Variants in CHST7 observed in about 807,000 individuals in gnomAD.
CHST7 encodes carbohydrate sulfotransferase 7.
In CHST7, 5 loss-of-function variants were observed where a neutral mutation model predicts 9.0. The ratio of observed to expected loss-of-function variants is 0.56; its 90% CI spans 0.29 to 1.17. The LOEUF is 1.17. Among genes scored for constraint, CHST7 ranks in the 50% most tolerant of loss-of-function variants. The probability of loss-of-function intolerance (pLI) is 0.08; values close to 1 mark genes in which losing one functional copy is unlikely to be tolerated. For missense variants in CHST7, 377 were observed against 485.1 expected, an observed-to-expected ratio of 0.78 and a Z score of 2.09; for synonymous variants, 244 against 237.1, an observed-to-expected ratio of 1.03 and a Z score of -0.27.
intron 1 of CHST7, among the ~76,000 whole-genome samples, chrX:46,591,457 C>T (rs938207495): frequency 7.2e-5 from 8 of 111,182 alleles, no homozygotes; most frequent in African/African-American, 1.3e-4. Flanking sequence ...TCGCTGCAAC[C>T]GCTGCCTCCT....
At chrX:46,589,439 A>G (rs1002977366) in intron 1 of CHST7, among the ~76,000 whole-genome samples, 3 of 109,637 alleles carry the variant, frequency 2.7e-5, no homozygotes, top group African/African-American at 1.0e-4. Flanking sequence ...AATCCCAACT[A>G]CTCGGGAGGC....
At chrX:46,584,535 CAAAAAA>C (rs397777408) in intron 1 of CHST7, among the ~76,000 whole-genome samples, 1 of 52,756 alleles carries the variant, frequency 1.9e-5, no homozygotes, top group Non-Finnish European at 3.2e-5. Context: ...GAAACTGTCT[CAAAAAA>C]AAAAAAAAAA....
At chrX:46,579,089 C>T (rs1942513433) in intron 1 of CHST7, among the ~76,000 whole-genome samples, 1 of 110,879 alleles carries the variant, frequency 9.0e-6, no homozygotes, top group Non-Finnish European at 1.9e-5. Context: ...ATGGTTCATC[C>T]CCTGGGCCAG....
chrX:46,593,603 C>A (rs1056030294), intron 1 of CHST7, among the ~76,000 whole-genome samples: 1 of 111,898 alleles, frequency 8.9e-6, no homozygotes, highest in South Asian at 3.7e-4. Flanking sequence ...TTTTGCCAAT[C>A]TCTTTTAGTT....
At chrX:46,578,505 A>G (rs1014059668) in intron 1 of CHST7, among the ~76,000 whole-genome samples, 1 of 108,691 alleles carries the variant, frequency 9.2e-6, no homozygotes, top group African/African-American at 3.4e-5. Context: ...GGGTTAAGCA[A>G]TCCTCCCACC....
At position 46,574,959 on chromosome X, in the gene CHST7, G is replaced by T. The variant is rs1410801337; in HGVS notation, c.1028G>T (p.Gly343Val). Residue 343 changes from glycine (G) to valine (V), a missense_variant, in exon 1 of 2, where the codon GGT becomes GTT. This residue lies in a region of CHST7 where 130 missense variants were observed against 134.9 expected (regional missense o/e 0.96). Transcript: ENST00000276055. ...CCGCGCGCCGATTTCTTCCTGACCG[G>T]TGCGCTCGAGGTGATCTGCGAAGCC... ...AAPRADFFLT[G>V]ALEVICEAWL... is the part of the protein sequence containing the mutation. The T allele has an allele frequency of 8.6e-7, 1 of 1,159,367 alleles. No homozygotes were observed. The highest frequency in any genetic ancestry group is 1.1e-6 in the Non-Finnish European group (1 of 879,102).
At chrX:46,581,478 C>CCAGG (rs1465194206) in intron 1 of CHST7, among the ~76,000 whole-genome samples, 1 of 107,267 alleles carries the variant, frequency 9.3e-6, no homozygotes, top group East Asian at 3.0e-4. Context: ...ATTGCTTGAA[C>CCAGG]CAGGGAGGCA....
chrX:46,593,955 G>T (rs758549166), intron 1 of CHST7, among the ~76,000 whole-genome samples: 3 of 111,606 alleles, frequency 2.7e-5, no homozygotes, highest in Non-Finnish European at 5.6e-5. Flanking sequence ...TACATATATT[G>T]AGAACCACAT....
chrX:46,574,505 C>G lies in CHST7; in HGVS notation c.574C>G (p.Leu192Val), dbSNP rs1374587101. The G allele has an allele frequency of 8.3e-7, 1 of 1,206,224 alleles. No individual in the cohort carries two copies. The highest frequency in any genetic ancestry group is 1.7e-5 in the African/African-American group (1 of 57,445). The change falls in exon 1 of 2, where the codon CTC (leucine) becomes GTC (valine). Residue 192 changes from leucine (L) to valine (V), a missense_variant. Leu to Val is a conservative substitution (Grantham distance 32). Coordinates refer to ENST00000276055, the MANE Select transcript of CHST7 (RefSeq NM_019886.4). Reference protein sequence around the residue: ...PDTANLTTAALFRWRTNKVIC... With the variant: ...PDTANLTTAAVFRWRTNKVIC... ...CACGGCCAATCTTACCACGGCCGCC[C>G]TCTTCCGCTGGCGGACTAACAAGGT...
chrX:46,596,351 C>T (rs1465495617), intron 1 of CHST7, among the ~76,000 whole-genome samples: 4 of 110,676 alleles, frequency 3.6e-5, no homozygotes, highest in African/African-American at 1.3e-4. Flanking sequence ...AGAGCACATC[C>T]TTACCATAAA....
intron 1 of CHST7, among the ~76,000 whole-genome samples, chrX:46,596,445 G>GT (rs1445646763): frequency 1.8e-5 from 2 of 110,513 alleles, no homozygotes; most frequent in African/African-American, 6.6e-5. Context: ...GGGTCTGGGG[G>GT]TGGGGGGTAA....
At chrX:46,582,935 G>A (rs987259207) in intron 1 of CHST7, among the ~76,000 whole-genome samples, 6 of 89,610 alleles carry the variant, frequency 6.7e-5, no homozygotes, top group Non-Finnish European at 1.0e-4. Context: ...GGATTCAGAC[G>A]GTTTTCTAAG....
At chrX:46,575,656 C>T (rs975987049) in intron 1 of CHST7, among the ~76,000 whole-genome samples, 1 of 112,242 alleles carries the variant, frequency 8.9e-6, no homozygotes, top group Non-Finnish European at 1.9e-5. Flanking sequence ...GATATTTAGG[C>T]GTGACTGAGG....
chrX:46,592,218 AT>A (rs978925094), intron 1 of CHST7, among the ~76,000 whole-genome samples: 12 of 109,790 alleles, frequency 1.1e-4, no homozygotes, highest in African/African-American at 2.3e-4. Flanking sequence ...GTTTTTAGTA[AT>A]TTTTTTTTCT....
intron 1 of CHST7, among the ~76,000 whole-genome samples, chrX:46,591,802 A>G (rs1316161926): frequency 9.0e-6 from 1 of 111,329 alleles, no homozygotes; most frequent in Non-Finnish European, 1.9e-5. Flanking sequence ...TGCACCTATC[A>G]AGCCATCATC....
Position 46,574,963 on chromosome X carries a change from G to A in CHST7, c.1032G>A (p.Ala344=). The change falls in exon 1 of 2, where the codon GCG becomes GCA. Residue 344 remains alanine (A), a synonymous_variant. Transcript: ENST00000276055. The part of the protein sequence containing the change: ...APRADFFLTG[A]LEVICEAWLR... The stretch of plus-strand genomic sequence containing the variant: ...GCGCCGATTTCTTCCTGACCGGTGC[G>A]CTCGAGGTGATCTGCGAAGCCTGGC... The A allele has an allele frequency of 8.6e-7, 1 of 1,157,538 alleles. No individual in the cohort carries two copies. The highest frequency in any genetic ancestry group is 2.6e-5 in the Admixed American group (1 of 38,120).
chrX:46,597,537 G>A (rs1322843360), intron 1 of CHST7, among the ~76,000 whole-genome samples: 6 of 111,878 alleles, frequency 5.4e-5, no homozygotes, highest in African/African-American at 1.6e-4. Flanking sequence ...TAACAGAGGC[G>A]CCCCCGGAGT....
At chrX:46,589,224 T>C (rs1942562703) in intron 1 of CHST7, among the ~76,000 whole-genome samples, 1 of 111,160 alleles carries the variant, frequency 9.0e-6, no homozygotes, top group Middle Eastern at 4.6e-3. Context: ...CAGGGCCCCA[T>C]AATATTAAGA....
intron 1 of CHST7, among the ~76,000 whole-genome samples, chrX:46,595,507 T>A (rs775898362): frequency 9.9e-5 from 11 of 111,278 alleles, no homozygotes; most frequent in African/African-American, 2.6e-4. Context: ...TTTTTTTTTT[T>A]AATTGTGGTG....
Sources: gnomAD v4.1 joint callset for allele counts (sites outside exome capture counted in the v4.1 genomes callset) on GRCh38, gnomAD v4.1.1 for gene constraint, gnomAD v4.1.1 regional missense constraint, MANE v1.5 for transcripts, NCBI Gene and HGNC (gene_info 2026-07-23, HGNC 2026-07-21) for gene names.